The following WASHC2A variants were observed in gnomAD, a reference collection of about 807,000 sequenced individuals.
The protein encoded by WASHC2A is WASH complex subunit FAM21A.
WASHC2A carries 82 observed loss-of-function variants against 140.3 expected under a neutral mutation model. The observed-to-expected ratio is 0.58, with a 90% confidence interval of 0.49 to 0.70. The LOEUF (loss-of-function observed/expected upper bound fraction) is 0.70. Ranked by LOEUF, WASHC2A falls within the 30% of genes least tolerant of loss-of-function variation. The probability of loss-of-function intolerance (pLI) is 0.00; values close to 1 mark genes in which losing one functional copy is unlikely to be tolerated. For synonymous variants in WASHC2A, 340 were observed against 560.8 expected, an observed-to-expected ratio of 0.61 and a Z score of 5.56; for missense variants, 985 against 1,521.8, an observed-to-expected ratio of 0.65 and a Z score of 5.87.
At chr10:50,128,266 C>T (rs1489761739) in intron 28 of WASHC2A, among the ~76,000 whole-genome samples, 1 of 152,092 alleles carries the variant, frequency 6.6e-6, no homozygotes. Context: ...ACACCAGGTG[C>T]CACTCCCTGA....
intron 19 of WASHC2A, among the ~76,000 whole-genome samples, chr10:50,109,836 C>G (rs1404902467): frequency 6.6e-6 from 1 of 152,156 alleles, no homozygotes. Flanking sequence ...GTGGCACGAT[C>G]TCCGTTCACT....
intron 30 of WASHC2A, among the ~76,000 whole-genome samples, chr10:50,131,634 C>T (rs1395500195): frequency 6.6e-6 from 1 of 152,182 alleles, no homozygotes; most frequent in East Asian, 1.9e-4. Context: ...AAGGCAAATG[C>T]CCGAGAACCC....
rs1288141435 is a variant in WASHC2A at position 50,106,474 on chromosome 10, A to T, written c.1869+9A>T. On this transcript the variant is annotated intron_variant, in intron 19 of 30. Transcript: ENST00000282633. Reference sequence around the variant, plus strand: ...TCAGCAGTGATGAGGAGGTGAGCTGAGGTTTCTGCTAAAGAAGAGGGGATT... The same window carrying T: ...TCAGCAGTGATGAGGAGGTGAGCTGTGGTTTCTGCTAAAGAAGAGGGGATT... 6.3e-7 allele frequency: 1 copy of T among 1,594,360 alleles called. No homozygotes were observed. Among genetic ancestry groups the T allele is most frequent in the Non-Finnish European group, 8.5e-7 (1 of 1,170,540 alleles).
At chr10:50,125,085 C>A in intron 23 of WASHC2A, 28 bp from the exon 24 acceptor site, 1 of 1,611,578 alleles carries the variant, frequency 6.2e-7, no homozygotes, top group Non-Finnish European at 8.5e-7. Flanking sequence ...CAGCTCTAAT[C>A]ACACATGACC....
At position 50,132,945 on chromosome 10, in the gene WASHC2A, G is replaced by A. The variant is rs545571052; in HGVS notation, c.4026G>A (p.Ter1342=). 6.2e-7 allele frequency: 1 copy of A among 1,612,044 alleles called. No homozygotes were observed. Among genetic ancestry groups the A allele is most frequent in the South Asian group, 1.1e-5 (1 of 90,978 alleles). The change falls in exon 31 of 31, where the codon TAG becomes TAA. Residue 1342 remains the stop codon, a stop_retained_variant. Transcript: ENST00000282633. ...DDPLNAFGGQ[*] Reference sequence around the variant, plus strand: ...CCCTGAATGCCTTTGGAGGCCAGTAGAGCACACAGGGTATCCACATGTTAC... The same window carrying A: ...CCCTGAATGCCTTTGGAGGCCAGTAAAGCACACAGGGTATCCACATGTTAC...
chr10:50,075,092 T>G (rs1838191495), intron 3 of WASHC2A, among the ~76,000 whole-genome samples: 1 of 152,126 alleles, frequency 6.6e-6, no homozygotes, highest in Non-Finnish European at 1.5e-5. Flanking sequence ...GCAGCCTACT[T>G]TTTTTCTTAA....
intron 21 of WASHC2A, among the ~76,000 whole-genome samples, chr10:50,116,129 A>AG (rs1842654492): frequency 7.9e-6 from 1 of 126,884 alleles, no homozygotes; most frequent in Non-Finnish European, 1.6e-5. Context: ...AAAAAAAAAA[A>AG]GAAAGAAAAA....
intron 7 of WASHC2A, among the ~76,000 whole-genome samples, chr10:50,086,208 T>C (rs1839360695): frequency 1.3e-5 from 2 of 151,444 alleles, no homozygotes; most frequent in African/African-American, 4.8e-5. Context: ...TTTTCTCTTC[T>C]GGTTGGTCCC....
intron 18 of WASHC2A, among the ~76,000 whole-genome samples, chr10:50,105,974 G>T (rs1170316692): frequency 9.9e-5 from 15 of 152,274 alleles, no homozygotes; most frequent in African/African-American, 3.1e-4. Flanking sequence ...GGCTGCTGCG[G>T]GGGCTCCCGT....
At chr10:50,091,583 C>A in intron 10 of WASHC2A, 65 bp downstream of exon 10, 1 of 1,523,662 alleles carries the variant, frequency 6.6e-7, no homozygotes, top group Non-Finnish European at 8.9e-7. Context: ...GCTGGCTTCA[C>A]CAAAGGCGGA....
chr10:50,071,313 T>TTTC (rs1837783753), intron 3 of WASHC2A, among the ~76,000 whole-genome samples: 1 of 95,348 alleles, frequency 1.0e-5, no homozygotes, highest in Non-Finnish European at 2.3e-5. Context: ...GGGAAGTTTC[T>TTTC]TTTTTTTTTT....
At chr10:50,068,755 C>T (rs1473259411) in intron 2 of WASHC2A, among the ~76,000 whole-genome samples, 5 of 149,798 alleles carry the variant, frequency 3.3e-5, no homozygotes, top group African/African-American at 9.9e-5. Context: ...TTTGCCCTGT[C>T]GCCCAGGCTG....
Position 50,095,472 on chromosome 10 carries a change from G to T in WASHC2A, c.1241-127G>T, listed in dbSNP as rs527567621. ...GTAGCAGTAATGGATGGAGGCTATT[G>T]GGCCCTGTTATGCATTTTGTGGATT... On this transcript the variant is annotated intron_variant, in intron 14 of 30. Transcript: ENST00000282633. 309 of 1,386,480 alleles carry T rather than the reference G, an allele frequency of 2.2e-4. 1 individual carries two copies. In the African/African-American group the frequency reaches 3.9e-3, roughly 18 times the overall value. The allele number at this position is 1,386,480 out of a possible 1,614,324, so 85.9% of individuals were successfully genotyped here. A position where few individuals can be genotyped will look rare whatever the true frequency, so the allele number is the denominator to read the frequency against.
At chr10:50,074,420 T>TA (rs1427366885) in intron 3 of WASHC2A, among the ~76,000 whole-genome samples, 1 of 150,692 alleles carries the variant, frequency 6.6e-6, no homozygotes, top group Non-Finnish European at 1.5e-5. Flanking sequence ...TGCCAGGTCT[T>TA]AAAGTCTCAC....
chr10:50,131,430 G>A (rs1415389579), intron 30 of WASHC2A, among the ~76,000 whole-genome samples: 1 of 152,220 alleles, frequency 6.6e-6, no homozygotes, highest in Non-Finnish European at 1.5e-5. Flanking sequence ...TGAGGGGACT[G>A]CCTTGGGTGT....
chr10:50,068,839 G>T (rs1837534298), intron 2 of WASHC2A, among the ~76,000 whole-genome samples: 1 of 146,992 alleles, frequency 6.8e-6, no homozygotes, highest in Non-Finnish European at 1.5e-5. Context: ...AGCGTCCTGA[G>T]AAGCTGGGAC....
At chr10:50,097,841 T>G in intron 16 of WASHC2A, 39 bp downstream of exon 16, 1 of 1,611,474 alleles carries the variant, frequency 6.2e-7, no homozygotes, top group Non-Finnish European at 8.5e-7. Flanking sequence ...AGCATTGATC[T>G]GCCGCATTTT....
chr10:50,078,927 A>G (rs1311544686), intron 4 of WASHC2A, among the ~76,000 whole-genome samples, 190 bp downstream of exon 4: 3 of 152,162 alleles, frequency 2.0e-5, no homozygotes, highest in Admixed American at 2.0e-4. Context: ...ACAGAGATCA[A>G]ATCCTTGAAT....
In WASHC2A at chr10:50,098,669, C is replaced by T. The variant is rs183103006; in HGVS notation, c.1548+867C>T. ...ACTCAGGATTTGGACAGTGTGTCTGCATTGCATTTGGTTGTCATGTCTCTT... is the reference window on the plus strand; with the variant it reads ...ACTCAGGATTTGGACAGTGTGTCTGTATTGCATTTGGTTGTCATGTCTCTT... On this transcript the variant is annotated intron_variant, in intron 16 of 30. Transcript: ENST00000282633. 4.5e-3 allele frequency among the ~76,000 whole-genome samples: 524 copies of T among 116,562 alleles called. 34 individuals are homozygous for T. Among genetic ancestry groups the T allele is most frequent in the African/African-American group, 0.015 (444 of 30,432 alleles). 76.5% of individuals were successfully genotyped at this position (116,562 alleles called of 152,430 possible). A position where few individuals can be genotyped will look rare whatever the true frequency, so the allele number is the denominator to read the frequency against.
Sources: allele counts gnomAD v4.1 joint callset (sites outside exome capture counted in the v4.1 genomes callset), GRCh38; gene constraint gnomAD v4.1.1; transcripts MANE v1.5; gene names NCBI Gene and HGNC (gene_info 2026-07-23, HGNC 2026-07-21).